The following DOCK2 variants were observed in gnomAD, a reference collection of about 807,000 sequenced individuals.
DOCK2 encodes the protein dedicator of cytokinesis protein 2.
In DOCK2, 87 loss-of-function variants were observed where a neutral mutation model predicts 248.9. The ratio of observed to expected loss-of-function variants is 0.35; its 90% confidence interval spans 0.29 to 0.42. The LOEUF (loss-of-function observed/expected upper bound fraction) is 0.42. Ranked by LOEUF, DOCK2 falls within the 10% of genes least tolerant of loss-of-function variation. The probability of loss-of-function intolerance (pLI) is 1.00; values close to 1 mark genes in which losing one functional copy is unlikely to be tolerated. For missense variants in DOCK2, 1,747 were observed against 2,300.2 expected, an observed-to-expected ratio of 0.76 and a Z score of 4.92; for synonymous variants, 805 against 821.6, an observed-to-expected ratio of 0.98 and a Z score of 0.35.
chr5:169,983,021 A>T lies in DOCK2; in HGVS notation c.2800-47A>T, dbSNP rs183102859. 4.6e-3 allele frequency: 7,355 copies of T among 1,599,098 alleles called. 104 individuals carry two copies. The highest frequency in any genetic ancestry group is 0.031 in the South Asian group (2,797 of 90,642). On this transcript the variant is annotated intron_variant, in intron 27 of 51. Transcript: ENST00000520908. ...ACATTTTCTCACAGGGAAGTTTTCC[A>T]TGGTCCTCTCTCAACTATTTATAGT...
Position 169,681,193 on chromosome 5 carries a change from G to A in DOCK2, c.471-551G>A, listed in dbSNP as rs1195086350. ...GGCTGGAGTGCAGTGGTGCAATCTCGGCTCGCTGCAACTTCCGCCTCCCAG... is the reference window on the plus strand; with the variant it reads ...GGCTGGAGTGCAGTGGTGCAATCTCAGCTCGCTGCAACTTCCGCCTCCCAG... On this transcript the variant is annotated intron_variant, in intron 6 of 51. Coordinates refer to ENST00000520908, the MANE Select transcript of DOCK2 (RefSeq NM_004946.3). Among the ~76,000 whole-genome samples the A allele has an allele frequency of 7.1e-5, 10 of 141,524 alleles. No homozygotes were observed. In the South Asian group the frequency reaches 1.8e-3, roughly 25 times the overall value. 92.8% of individuals were successfully genotyped at this position (141,524 alleles called of 152,430 possible).
intron 23 of DOCK2, among the ~76,000 whole-genome samples, chr5:169,751,260 A>C (rs1370874198): frequency 6.6e-6 from 1 of 152,220 alleles, no homozygotes; most frequent in Non-Finnish European, 1.5e-5. Flanking sequence ...ACACAAGACT[A>C]AATAGTGTTA....
chr5:169,749,418 A>C (rs2113696534), intron 23 of DOCK2, among the ~76,000 whole-genome samples: 1 of 151,914 alleles, frequency 6.6e-6, no homozygotes, highest in African/African-American at 2.4e-5. Context: ...GAGTTCTCTA[A>C]TCCTAATATT....
At chr5:169,989,856 A>G (rs1453117206) in intron 29 of DOCK2, among the ~76,000 whole-genome samples, 1 of 152,196 alleles carries the variant, frequency 6.6e-6, no homozygotes, top group Non-Finnish European at 1.5e-5. Flanking sequence ...AGTTATTTTT[A>G]TTTTATATTT....
Position 169,882,856 on chromosome 5 carries a change from G to A in DOCK2, c.2799+42004G>A, listed in dbSNP as rs956538677. 1.2e-5 allele frequency: 18 copies of A among 1,551,268 alleles called. No individual in the cohort carries two copies. The highest frequency in any genetic ancestry group is 1.5e-5 in the Non-Finnish European group (17 of 1,146,534). ...CTCCTGACACCCAGGGGCAGATTTCGATGCACTGTTAGTTTTGAGTGACAC... is the reference window on the plus strand; with the variant it reads ...CTCCTGACACCCAGGGGCAGATTTCAATGCACTGTTAGTTTTGAGTGACAC... On this transcript the variant is annotated intron_variant, in intron 27 of 51. Coordinates refer to ENST00000520908, the MANE Select transcript of DOCK2 (RefSeq NM_004946.3).
intron 10 of DOCK2, among the ~76,000 whole-genome samples, chr5:169,697,888 C>G (rs995200391): frequency 6.6e-6 from 1 of 152,088 alleles, no homozygotes; most frequent in Non-Finnish European, 1.5e-5. Context: ...ATCCAGGATA[C>G]CTCTGGAATC....
intron 33 of DOCK2, among the ~76,000 whole-genome samples, chr5:170,022,570 C>G (rs1413892987): frequency 6.6e-6 from 1 of 152,052 alleles, no homozygotes; most frequent in Non-Finnish European, 1.5e-5. Context: ...CCACATGATT[C>G]CCTTGGTGGG....
intron 14 of DOCK2, among the ~76,000 whole-genome samples, chr5:169,707,484 C>A (rs958208780): frequency 6.6e-6 from 1 of 152,200 alleles, no homozygotes; most frequent in African/African-American, 2.4e-5. Context: ...TCTGTCATCA[C>A]GTTGCCTTGC....
At chr5:169,949,445 C>T (rs551333322) in intron 27 of DOCK2, among the ~76,000 whole-genome samples, 4 of 152,020 alleles carry the variant, frequency 2.6e-5, no homozygotes, top group Non-Finnish European at 5.9e-5. Context: ...AGCCCATTAG[C>T]CCAGTTTGGC....
intron 27 of DOCK2, among the ~76,000 whole-genome samples, chr5:169,874,669 T>C (rs1358226981): frequency 6.6e-6 from 1 of 152,138 alleles, no homozygotes; most frequent in Non-Finnish European, 1.5e-5. Flanking sequence ...GTTTGGTCCC[T>C]TGGCCAGGGA....
chr5:169,864,248 G>T, intron 27 of DOCK2: 3 of 1,545,620 alleles, frequency 1.9e-6, no homozygotes, highest in Non-Finnish European at 1.8e-6. Flanking sequence ...TGGAGTTGGG[G>T]GGCTGGGGGA....
intron 6 of DOCK2, among the ~76,000 whole-genome samples, chr5:169,680,946 A>G (rs1382405789): frequency 2.0e-5 from 3 of 151,968 alleles, no homozygotes; most frequent in Non-Finnish European, 4.4e-5. Flanking sequence ...ATTTATTTAT[A>G]AAAATAAATA....
chr5:169,773,616 A>G (rs1378073047), intron 25 of DOCK2, among the ~76,000 whole-genome samples: 2 of 152,152 alleles, frequency 1.3e-5, no homozygotes, highest in East Asian at 1.9e-4. Flanking sequence ...ATAAATCTTT[A>G]TAAGGTTATG....
At chr5:169,760,285 ATGTATT>A (rs1268852054) in intron 24 of DOCK2, among the ~76,000 whole-genome samples, 1 of 152,036 alleles carries the variant, frequency 6.6e-6, no homozygotes, top group Non-Finnish European at 1.5e-5. Context: ...TTTTTAAAAA[ATGTATT>A]GTAGTTTACA....
At chr5:169,841,187 C>A (rs261625) in intron 27 of DOCK2, among the ~76,000 whole-genome samples, 5 of 151,908 alleles carry the variant, frequency 3.3e-5, no homozygotes, top group Admixed American at 1.3e-4. Context: ...CACTAGGAAC[C>A]TTTTCCTCTG....
chr5:169,780,553 G>A (rs1014385228), intron 25 of DOCK2, among the ~76,000 whole-genome samples: 1 of 152,108 alleles, frequency 6.6e-6, no homozygotes, highest in East Asian at 1.9e-4. Context: ...GATCTCAGGG[G>A]CCTCTCCTCC....
intron 38 of DOCK2, among the ~76,000 whole-genome samples, 177 bp downstream of exon 38, chr5:170,042,309 C>T (rs958766830): frequency 5.9e-5 from 9 of 152,148 alleles, no homozygotes; most frequent in South Asian, 2.1e-4. Context: ...TGTAAGGCAC[C>T]GACATTGCTC....
At chr5:169,915,177 T>G (rs1228484712) in intron 27 of DOCK2, among the ~76,000 whole-genome samples, 2 of 152,198 alleles carry the variant, frequency 1.3e-5, no homozygotes, top group African/African-American at 2.4e-5. Flanking sequence ...AGAAGTTGTC[T>G]CTGGTGGAAG....
chr5:169,745,114 A>G (rs1763536702), intron 22 of DOCK2, among the ~76,000 whole-genome samples: 1 of 152,208 alleles, frequency 6.6e-6, no homozygotes, highest in African/African-American at 2.4e-5. Context: ...AAAAGGCATG[A>G]TGAGTGGACA....
Sources: gnomAD v4.1 joint callset for allele counts (sites outside exome capture counted in the v4.1 genomes callset) on GRCh38, gnomAD v4.1.1 for gene constraint, MANE v1.5 for transcripts, NCBI Gene and HGNC (gene_info 2026-07-23, HGNC 2026-07-21) for gene names.